Variants in PDE4D observed in about 807,000 individuals in gnomAD.
PDE4D encodes phosphodiesterase 4D.
A neutral mutation model predicts 87.4 loss-of-function variants in PDE4D; 24 were observed. The observed-to-expected ratio is 0.27, with a 90% confidence interval of 0.20 to 0.39. The LOEUF (loss-of-function observed/expected upper bound fraction) is 0.39. Ranked by LOEUF, PDE4D falls within the 10% of genes least tolerant of loss-of-function variation. PDE4D has a pLI of 1.00. For synonymous variants in PDE4D, 384 were observed against 383.2 expected (o/e 1.00, Z -0.02); for missense variants, 714 against 1,041.0 (o/e 0.69, Z 4.32).
Position 59,915,712 on chromosome 5 carries a change from A to T in PDE4D, c.272+72776T>A, listed in dbSNP as rs147529858. On this transcript the variant is annotated intron_variant, in intron 3 of 16. Transcript: ENST00000502484. ...AGGCATTGCATTATGTCAGGATTGT[A>T]TTACTTTTCCCTCTCATATTCGTGT... Among the ~76,000 whole-genome samples the T allele has an allele frequency of 7.6e-4, 115 of 152,294 alleles. 3 individuals carry two copies. Among genetic ancestry groups the T allele is most frequent in the African/African-American group, 2.7e-3 (113 of 41,574 alleles).
intron 1 of PDE4D, among the ~76,000 whole-genome samples, chr5:59,297,441 T>C (rs532099432): frequency 1.3e-5 from 2 of 152,318 alleles, no homozygotes; most frequent in South Asian, 4.1e-4. Flanking sequence ...TACTAATGTA[T>C]AGATGAGGTT....
At chr5:59,049,295 A>G (rs531882009) in intron 5 of PDE4D, among the ~76,000 whole-genome samples, 1 of 152,186 alleles carries the variant, frequency 6.6e-6, no homozygotes, top group East Asian at 1.9e-4. Flanking sequence ...CTTGTTTTCT[A>G]TCAGATAAGA....
intron 1 of PDE4D, among the ~76,000 whole-genome samples, chr5:60,464,698 G>A (rs1417346571): frequency 6.6e-6 from 1 of 152,148 alleles, no homozygotes; most frequent in East Asian, 1.9e-4. Context: ...CGTGATAGTG[G>A]TGCCTCCTCG....
chr5:59,635,692 C>T (rs1832151561), intron 1 of PDE4D, among the ~76,000 whole-genome samples: 1 of 152,186 alleles, frequency 6.6e-6, no homozygotes, highest in Non-Finnish European at 1.5e-5. Context: ...TTCAACACTC[C>T]TTCATGCTAA....
At chr5:59,389,624 T>C (rs1328341253) in intron 1 of PDE4D, among the ~76,000 whole-genome samples, 2 of 152,096 alleles carry the variant, frequency 1.3e-5, no homozygotes, top group Non-Finnish European at 2.9e-5. Flanking sequence ...AGGAAATCAG[T>C]ATATTAAAAG....
At chr5:60,520,293 A>C (rs1168450799) in intron 1 of PDE4D, among the ~76,000 whole-genome samples, 1 of 152,114 alleles carries the variant, frequency 6.6e-6, no homozygotes, top group Non-Finnish European at 1.5e-5. Flanking sequence ...TTTCCATCAC[A>C]GTGGAATGCT....
chr5:59,856,311 G>T (rs1166815210), intron 1 of PDE4D, among the ~76,000 whole-genome samples: 1 of 152,122 alleles, frequency 6.6e-6, no homozygotes, highest in African/African-American at 2.4e-5. Flanking sequence ...TTACAATACA[G>T]GCGAAGAGAA....
intron 1 of PDE4D, among the ~76,000 whole-genome samples, chr5:59,510,506 G>A (rs1286825289): frequency 6.6e-6 from 1 of 151,734 alleles, no homozygotes; most frequent in Non-Finnish European, 1.5e-5. Context: ...AGAGAAAAGA[G>A]AAGAATGGGC....
intron 1 of PDE4D, among the ~76,000 whole-genome samples, chr5:60,365,055 G>T (rs1760402213): frequency 6.6e-6 from 1 of 152,150 alleles, no homozygotes; most frequent in Admixed American, 6.5e-5. Context: ...ATGATAGAGG[G>T]ATAAGTAGAT....
At chr5:59,037,743 T>G (rs770521634) in intron 6 of PDE4D, among the ~76,000 whole-genome samples, 2 of 152,120 alleles carry the variant, frequency 1.3e-5, no homozygotes, top group South Asian at 2.1e-4. Flanking sequence ...ACAAAAGCAC[T>G]GTTAATAGAT....
chr5:59,834,014 TA>T (rs1196659383), intron 1 of PDE4D, among the ~76,000 whole-genome samples: 6 of 152,052 alleles, frequency 3.9e-5, no homozygotes, highest in East Asian at 1.9e-4. Flanking sequence ...AATAGTTTTT[TA>T]TGACAAAGTT....
At chr5:59,491,314 C>T (rs1236720553) in intron 1 of PDE4D, among the ~76,000 whole-genome samples, 1 of 152,154 alleles carries the variant, frequency 6.6e-6, no homozygotes. Context: ...AAAGCAGATA[C>T]TGCAAAGTAG....
At chr5:60,063,999 T>A (rs531176181) in intron 2 of PDE4D, among the ~76,000 whole-genome samples, 1 of 152,040 alleles carries the variant, frequency 6.6e-6, no homozygotes, top group East Asian at 1.9e-4. Context: ...ACATTATGCA[T>A]CTTTTGAACA....
At chr5:60,087,985 G>T (rs921425209) in intron 2 of PDE4D, among the ~76,000 whole-genome samples, 4 of 151,928 alleles carry the variant, frequency 2.6e-5, no homozygotes, top group Non-Finnish European at 5.9e-5. Flanking sequence ...AACAAAGAAA[G>T]AATACTTTAA....
intron 1 of PDE4D, among the ~76,000 whole-genome samples, chr5:59,477,996 A>C (rs549324668): frequency 6.6e-6 from 1 of 152,134 alleles, no homozygotes; most frequent in East Asian, 1.9e-4. Context: ...AACACCGAGT[A>C]CACATGGACG....
At chr5:60,176,987 G>C (rs992009366) in intron 2 of PDE4D, among the ~76,000 whole-genome samples, 4 of 152,124 alleles carry the variant, frequency 2.6e-5, no homozygotes, top group African/African-American at 9.7e-5. Context: ...ACAGGGGGTA[G>C]GTCAGTAACT....
intron 1 of PDE4D, among the ~76,000 whole-genome samples, chr5:60,377,738 T>C (rs1761540369): frequency 1.3e-5 from 2 of 152,162 alleles, no homozygotes; most frequent in South Asian, 4.1e-4. Flanking sequence ...AGGGAGGTCT[T>C]GAAGACAAAA....
chr5:59,169,072 G>C (rs995267063), intron 5 of PDE4D, among the ~76,000 whole-genome samples: 1 of 151,982 alleles, frequency 6.6e-6, no homozygotes, highest in African/African-American at 2.4e-5. Context: ...TTTGAGAGAG[G>C]CTTTTTGATA....
At chr5:60,343,482 T>C (rs1758484712) in intron 1 of PDE4D, among the ~76,000 whole-genome samples, 1 of 152,202 alleles carries the variant, frequency 6.6e-6, no homozygotes. Flanking sequence ...ATAATGGTAG[T>C]GTCTATTAAG....
Sources: gnomAD v4.1 joint callset for allele counts (sites outside exome capture counted in the v4.1 genomes callset) on GRCh38, gnomAD v4.1.1 for gene constraint, MANE v1.5 for transcripts, NCBI Gene and HGNC (gene_info 2026-07-23, HGNC 2026-07-21) for gene names.